PUDP: variants seen among roughly 807,000 people sequenced by gnomAD.
PUDP encodes pseudouridine 5'-phosphatase.
Under a neutral mutation model 9.4 loss-of-function variants are expected in PUDP, and 8 were observed. That is an observed-to-expected ratio of 0.85 (90% CI 0.50 to 1.53). PUDP has a LOEUF of 1.53. Among genes scored for constraint, PUDP ranks in the 40% most tolerant of loss-of-function variants. The pLI, the probability that PUDP is intolerant of heterozygous loss-of-function variation, is 0.00. For synonymous variants in PUDP, 99 were observed against 80.7 expected (o/e 1.23, Z -1.22); for missense variants, 188 against 189.7 (o/e 0.99, Z 0.05).
chrX:7,117,153 G>A, intron 1 of PUDP: 1 of 1,010,016 alleles, frequency 9.9e-7, no homozygotes, highest in Non-Finnish European at 1.3e-6. Flanking sequence ...GTGGCGTGTT[G>A]CTACAAGGAT....
At chrX:7,145,970 G>T (rs1932849088) in intron 1 of PUDP, among the ~76,000 whole-genome samples, 1 of 112,111 alleles carries the variant, frequency 8.9e-6, no homozygotes, top group Admixed American at 9.5e-5. Context: ...GCATAATCTG[G>T]TAGATTAAAT....
Position 6,859,007 on chromosome X carries a change from G to A in PUDP, c.*247+118126C>T, listed in dbSNP as rs988011253. ...GGAGGTTATTGAATCATGGTGGCAG[G>A]TCTTTCTTGTGTTGTTCTCATGACA... On this transcript the variant is annotated intron_variant and NMD_transcript_variant, in intron 3 of 3. Coordinates refer to the PUDP transcript ENST00000655425. Among the ~76,000 whole-genome samples, 10 of 111,465 alleles carry A rather than the reference G, an allele frequency of 9.0e-5. No individual in the cohort carries two copies. In the Admixed American group the frequency reaches 9.5e-4, roughly 11 times the overall value.
chrX:7,066,379 CA>C (rs1324680770), intron 3 of PUDP, among the ~76,000 whole-genome samples: 2 of 111,473 alleles, frequency 1.8e-5, no homozygotes, highest in African/African-American at 6.5e-5. Context: ...AGCATTTTGG[CA>C]CCAGGAACCG....
chrX:6,919,044 A>G (rs1274255221), intron 3 of PUDP, among the ~76,000 whole-genome samples: 9 of 111,920 alleles, frequency 8.0e-5, no homozygotes, highest in Non-Finnish European at 1.7e-4. Context: ...TTCGACCCCT[A>G]GTGAAAATCT....
chrX:6,742,482 C>G lies in PUDP; in HGVS notation c.*248-36016G>C, dbSNP rs890271541. On this transcript the variant is annotated intron_variant and NMD_transcript_variant, in intron 3 of 3. Coordinates refer to the PUDP transcript ENST00000655425. ...GCTATCTGGCCCTTTGTAAAAAAAT[C>G]TTTGGGCTGAGTGTGGTGGCTCATA... Among the ~76,000 whole-genome samples the G allele has an allele frequency of 5.3e-5, 6 of 112,572 alleles. No individual in the cohort carries two copies. The Admixed American group carries it at 5.6e-4, about 11-fold the overall frequency.
intron 1 of PUDP, among the ~76,000 whole-genome samples, chrX:6,707,259 TG>T (rs1408167696): frequency 1.8e-5 from 2 of 111,287 alleles, no homozygotes; most frequent in East Asian, 5.7e-4. Context: ...GACCTGTGGC[TG>T]GGTGCATCCT....
intron 3 of PUDP, among the ~76,000 whole-genome samples, chrX:6,835,353 C>T (rs1007707997): frequency 2.6e-4 from 29 of 110,740 alleles, no homozygotes; most frequent in African/African-American, 6.3e-4. Flanking sequence ...TTTAGCCCGA[C>T]GATACCCCAA....
chrX:6,875,237 T>A (rs1360933683), intron 3 of PUDP, among the ~76,000 whole-genome samples: 1 of 110,437 alleles, frequency 9.1e-6, no homozygotes, highest in Non-Finnish European at 1.9e-5. Context: ...CCTGGCTAAT[T>A]TTTATATTTT....
chrX:7,112,588 A>G (rs1169936985), intron 1 of PUDP, among the ~76,000 whole-genome samples: 1 of 112,551 alleles, frequency 8.9e-6, no homozygotes, highest in African/African-American at 3.2e-5. Context: ...AATAAACTAC[A>G]AGAAAGGCTG....
intron 3 of PUDP, among the ~76,000 whole-genome samples, chrX:6,785,905 T>C (rs934968317): frequency 1.8e-5 from 2 of 111,678 alleles, no homozygotes; most frequent in Non-Finnish European, 3.8e-5. Flanking sequence ...TTCAAGTTAA[T>C]GAGAGGCTTT....
At chrX:6,735,180 G>A (rs187214901) in intron 3 of PUDP, among the ~76,000 whole-genome samples, 1 of 111,767 alleles carries the variant, frequency 8.9e-6, no homozygotes, top group Admixed American at 9.6e-5. Flanking sequence ...GGTTCTCAGA[G>A]GCCCAGTTTT....
intron 3 of PUDP, among the ~76,000 whole-genome samples, chrX:6,790,928 T>C (rs780778377): frequency 2.7e-5 from 3 of 112,170 alleles, no homozygotes; most frequent in Non-Finnish European, 5.6e-5. Flanking sequence ...CAAAAAGACC[T>C]GTAAACAAAT....
chrX:6,742,333 A>G (rs939613358), intron 3 of PUDP, among the ~76,000 whole-genome samples: 1 of 112,715 alleles, frequency 8.9e-6, no homozygotes, highest in African/African-American at 3.2e-5. Flanking sequence ...GTTTTTATGA[A>G]TACAGTTTTA....
chrX:7,104,170 C>A (rs1261329928), intron 2 of PUDP, among the ~76,000 whole-genome samples: 1 of 111,864 alleles, frequency 8.9e-6, no homozygotes, highest in Non-Finnish European at 1.9e-5. Flanking sequence ...AACAAATGAA[C>A]TATGAATAAA....
Position 7,058,807 on chromosome X carries a change from A to G in PUDP, c.511-8335T>C, listed in dbSNP as rs1602737682. Among the ~76,000 whole-genome samples the G allele has an allele frequency of 4.5e-5, 5 of 111,588 alleles. No homozygotes were observed. In the Admixed American group the frequency reaches 4.7e-4, roughly 11 times the overall value. ...TATTCATCAATCCATCCATCTGTCC[A>G]TCCATCCCTATTTATCAATCTATCC... On this transcript the variant is annotated intron_variant, in intron 3 of 3. Transcript: ENST00000381077.
At chrX:6,993,073 T>G (rs1420992741) in intron 1 of PUDP, among the ~76,000 whole-genome samples, 2 of 111,991 alleles carry the variant, frequency 1.8e-5, no homozygotes, top group Non-Finnish European at 3.8e-5. Context: ...ATCACCAGCT[T>G]CCCTACTTTT....
chrX:6,895,440 A>G (rs1318047149), intron 3 of PUDP, among the ~76,000 whole-genome samples: 1 of 107,531 alleles, frequency 9.3e-6, no homozygotes, highest in East Asian at 2.8e-4. Flanking sequence ...ACTCATTACT[A>G]TTAGTAAAAT....
chrX:7,061,768 T>G (rs1267944978), intron 3 of PUDP, among the ~76,000 whole-genome samples: 1 of 111,955 alleles, frequency 8.9e-6, no homozygotes, highest in African/African-American at 3.3e-5. Flanking sequence ...GGTAGCAGTC[T>G]TTAAATATGC....
chrX:6,876,950 TACACACAC>T (rs747481639), intron 3 of PUDP, among the ~76,000 whole-genome samples: 6 of 92,570 alleles, frequency 6.5e-5, no homozygotes, highest in East Asian at 5.8e-4. Flanking sequence ...CATATATGTG[TACACACAC>T]ACACACACAC....
Sources: allele counts gnomAD v4.1 joint callset (sites outside exome capture counted in the v4.1 genomes callset), GRCh38; gene constraint gnomAD v4.1.1; transcripts MANE v1.5; gene names NCBI Gene and HGNC (gene_info 2026-07-23, HGNC 2026-07-21).